The following SDC4 variants were observed in gnomAD, a reference collection of about 807,000 sequenced individuals.
SDC4 encodes the protein syndecan-4.
SDC4 carries 17 observed loss-of-function variants against 20.5 expected under a neutral mutation model. That is an observed-to-expected ratio of 0.83 (90% CI 0.57 to 1.25). The LOEUF is 1.25. Ranked by LOEUF, SDC4 falls within the 50% of genes most tolerant of loss-of-function variation. SDC4 has a pLI of 0.00. For synonymous variants in SDC4, 107 were observed against 105.3 expected, an observed-to-expected ratio of 1.02 and a Z score of -0.10; for missense variants, 241 against 252.3, an observed-to-expected ratio of 0.96 and a Z score of 0.30.
intron 1 of SDC4, among the ~76,000 whole-genome samples, chr20:45,343,616 G>A (rs1271655968): frequency 6.6e-6 from 1 of 152,110 alleles, no homozygotes; most frequent in Admixed American, 6.5e-5. Context: ...AAACAAATAG[G>A]AGATTTGGAC....
At position 45,326,909 on chromosome 20, in the gene SDC4, C is replaced by T. The variant is rs1161194117; in HGVS notation, c.*355G>A. 5.7e-6 allele frequency: 1 copy of T among 174,414 alleles called. No individual in the cohort carries two copies. The highest frequency in any genetic ancestry group is 6.1e-5 in the Admixed American group (1 of 16,472). 10.8% of individuals were successfully genotyped at this position (174,414 alleles called of 1,614,324 possible). On this transcript the variant is annotated 3_prime_UTR_variant, in exon 5 of 5. Transcript: ENST00000372733. Reference sequence around the variant, plus strand: ...GACCTCCAGCCAGGACTCCACACAACATCCGTTAGCCCCCTGGCTTCAGAG... The same window carrying T: ...GACCTCCAGCCAGGACTCCACACAATATCCGTTAGCCCCCTGGCTTCAGAG...
chr20:45,331,157 G>A (rs945891112), intron 3 of SDC4, among the ~76,000 whole-genome samples: 3 of 152,142 alleles, frequency 2.0e-5, no homozygotes, highest in Non-Finnish European at 4.4e-5. Context: ...GGGATGAGAC[G>A]GAGGAGACTC....
chr20:45,335,642 C>CT, intron 2 of SDC4, 140 bp downstream of exon 2: 2 of 877,826 alleles, frequency 2.3e-6, no homozygotes, highest in Non-Finnish European at 1.7e-6. Flanking sequence ...TTTGTTTCCC[C>CT]TTTTTTTGAG....
At chr20:45,345,353 G>C (rs1443938960) in intron 1 of SDC4, 2 of 152,208 alleles carry the variant, frequency 1.3e-5, no homozygotes, top group Non-Finnish European at 2.9e-5. Flanking sequence ...AGATGGAAAG[G>C]ACTCTGGAGG....
At chr20:45,327,551 T>C (rs2076025) in intron 4 of SDC4, 136 bp from the exon 5 acceptor site, 510,019 of 997,548 alleles carry the variant, frequency 0.51, 131,775 homozygotes, top group Admixed American at 0.58. Context: ...CCAGGCAAGC[T>C]GATGCCTTAT....
intron 1 of SDC4, among the ~76,000 whole-genome samples, chr20:45,338,467 T>G (rs1384874173): frequency 6.6e-6 from 1 of 152,166 alleles, no homozygotes; most frequent in African/African-American, 2.4e-5. Flanking sequence ...TCAGGAGACT[T>G]GTCTCAGGCT....
At chr20:45,343,348 G>C (rs1987982316) in intron 1 of SDC4, among the ~76,000 whole-genome samples, 1 of 152,016 alleles carries the variant, frequency 6.6e-6, no homozygotes, top group Non-Finnish European at 1.5e-5. Context: ...ACCCCTCAAA[G>C]TGCTATTTGC....
At chr20:45,334,148 T>G (rs996104797) in intron 2 of SDC4, among the ~76,000 whole-genome samples, 1 of 151,524 alleles carries the variant, frequency 6.6e-6, no homozygotes. Context: ...GGGTGCACCA[T>G]GACACCCAGC....
chr20:45,335,822 C>G lies in SDC4; in HGVS notation c.159G>C (p.Gln53His). 6.2e-7 allele frequency: 1 copy of G among 1,614,076 alleles called. No individual in the cohort carries two copies. The highest frequency in any genetic ancestry group is 1.3e-5 in the African/African-American group (1 of 75,036). The change falls in exon 2 of 5, where the codon CAG becomes CAC. Residue 53 changes from glutamine to histidine, a missense_variant. Physicochemically the swap from Gln to His is conservative, Grantham distance 24. Transcript: ENST00000372733. ...CAGACAGCTCAAAGTCATCAGATTC[C>G]TGCCCGGGCCCCACTACATCCTCAT... Reference protein sequence around the residue: ...PDDEDVVGPGQESDDFELSGS... With the variant: ...PDDEDVVGPGHESDDFELSGS...
chr20:45,346,458 T>A (rs1024469096), intron 1 of SDC4, among the ~76,000 whole-genome samples: 11 of 152,104 alleles, frequency 7.2e-5, no homozygotes, highest in African/African-American at 2.4e-4. Flanking sequence ...CCAAACTACA[T>A]CCTTCAGAAT....
intron 1 of SDC4, among the ~76,000 whole-genome samples, chr20:45,347,604 T>C (rs888602506): frequency 6.6e-6 from 1 of 152,218 alleles, no homozygotes. Flanking sequence ...AACACACTTC[T>C]TGCAGAAAGC....
At chr20:45,337,314 T>C (rs963878402) in intron 1 of SDC4, among the ~76,000 whole-genome samples, 1 of 152,166 alleles carries the variant, frequency 6.6e-6, no homozygotes, top group Non-Finnish European at 1.5e-5. Flanking sequence ...TTGGGGTTTT[T>C]CATTAAGTTC....
intron 1 of SDC4, among the ~76,000 whole-genome samples, chr20:45,343,383 G>C (rs1257033314): frequency 6.6e-6 from 1 of 152,064 alleles, no homozygotes; most frequent in Non-Finnish European, 1.5e-5. Context: ...CTTAAGGGTA[G>C]AAACTCTGCC....
intron 1 of SDC4, among the ~76,000 whole-genome samples, chr20:45,341,259 G>A (rs1987948780): frequency 6.6e-6 from 1 of 152,228 alleles, no homozygotes; most frequent in African/African-American, 2.4e-5. Context: ...TTGCTGGAAG[G>A]AAGCTAGCCT....
chr20:45,328,887 T>C (rs993332541), intron 4 of SDC4, among the ~76,000 whole-genome samples: 2 of 152,158 alleles, frequency 1.3e-5, no homozygotes, highest in Admixed American at 6.5e-5. Flanking sequence ...ACCCCATTCT[T>C]GTCTCTATCA....
At chr20:45,335,433 T>G (rs1471181944) in intron 2 of SDC4, among the ~76,000 whole-genome samples, 1 of 151,090 alleles carries the variant, frequency 6.6e-6, no homozygotes, top group East Asian at 2.0e-4. Flanking sequence ...ACTCTATGGG[T>G]CCTCCTTCCC....
intron 1 of SDC4, 130 bp from the exon 2 acceptor site, chr20:45,336,050 T>C (rs909686742): frequency 1.1e-6 from 1 of 888,044 alleles, no homozygotes; most frequent in Non-Finnish European, 1.7e-6. Flanking sequence ...ACCTGCGTCC[T>C]GGATCCCACT....
At chr20:45,346,006 G>GTAC in intron 1 of SDC4, among the ~76,000 whole-genome samples, 2 of 152,268 alleles carry the variant, frequency 1.3e-5, no homozygotes, top group East Asian at 3.9e-4. Context: ...ACCCAAAGTA[G>GTAC]TACCATTTTA....
intron 4 of SDC4, among the ~76,000 whole-genome samples, chr20:45,330,164 T>C (rs1987753841): frequency 6.6e-6 from 1 of 152,212 alleles, no homozygotes; most frequent in Non-Finnish European, 1.5e-5. Flanking sequence ...AGGTGCTTTT[T>C]CCTCTCCCTC....
Sources: gnomAD v4.1 joint callset for allele counts (sites outside exome capture counted in the v4.1 genomes callset) on GRCh38, gnomAD v4.1.1 for gene constraint, MANE v1.5 for transcripts, NCBI Gene and HGNC (gene_info 2026-07-23, HGNC 2026-07-21) for gene names.